MIS18BP1: variants seen among roughly 807,000 people sequenced by gnomAD.
The protein encoded by MIS18BP1 is MIS18 binding protein 1.
In MIS18BP1, 72 loss-of-function variants were observed where a neutral mutation model predicts 116.1. That is an observed-to-expected ratio of 0.62 (90% confidence interval 0.51 to 0.75). The LOEUF (loss-of-function observed/expected upper bound fraction) is 0.75. Among genes scored for constraint, MIS18BP1 ranks in the 30% least tolerant of loss-of-function variants. MIS18BP1 has a pLI of 0.00. For missense variants in MIS18BP1, 1,363 were observed against 1,303.2 expected (o/e 1.05, Z -0.71); for synonymous variants, 386 against 427.0 (o/e 0.90, Z 1.18).
intron 14 of MIS18BP1, 188 bp from the exon 15 acceptor site, chr14:45,206,358 C>G: frequency 2.0e-6 from 1 of 493,194 alleles, no homozygotes; most frequent in Non-Finnish European, 3.7e-6. Flanking sequence ...ATGATAATGG[C>G]TCACTGCAGC....
chr14:45,221,732 A>T (rs1455350519), intron 11 of MIS18BP1, among the ~76,000 whole-genome samples: 1 of 152,194 alleles, frequency 6.6e-6, no homozygotes, highest in Non-Finnish European at 1.5e-5. Context: ...ATTGGGTGGA[A>T]TGTTCTGTAA....
intron 9 of MIS18BP1, 46 bp from the exon 10 acceptor site, chr14:45,226,882 A>G: frequency 5.5e-6 from 7 of 1,267,212 alleles, no homozygotes; most frequent in Non-Finnish European, 7.2e-6. Context: ...AACTACTACC[A>G]AAACATGATC....
intron 11 of MIS18BP1, 48 bp downstream of exon 11, chr14:45,223,870 T>C (rs779508756): frequency 2.9e-6 from 4 of 1,370,660 alleles, no homozygotes; most frequent in Non-Finnish European, 4.0e-6. Flanking sequence ...TCTTTAACTG[T>C]CTTGTGGCTG....
chr14:45,250,584 G>A (rs898673731), intron 1 of MIS18BP1, among the ~76,000 whole-genome samples: 7 of 152,142 alleles, frequency 4.6e-5, no homozygotes, highest in Admixed American at 1.3e-4. Context: ...GAGAAAGTAT[G>A]TTTCCGTTTT....
chr14:45,206,351 A>G, intron 14 of MIS18BP1, 181 bp from the exon 15 acceptor site: 3 of 510,584 alleles, frequency 5.9e-6, no homozygotes, highest in African/African-American at 1.9e-5. Flanking sequence ...CAGTAACATG[A>G]TAATGGCTCA....
rs1250876919 is a variant in MIS18BP1, at chr14:45,217,153, G to A, written c.2869C>T (p.Gln957Ter). ...ACTTTGGCAGTTATCTTAATAGTTT[G>A]TTTCTGATCAGCATCACCTCTCTTG... is the stretch of plus-strand genomic sequence containing the variant. ...NGKRGDADQKQTIKITAKVGT... is the reference protein window; with the variant it reads ...NGKRGDADQK The change falls in exon 13 of 17, where the codon CAA becomes TAA. Residue 957 changes from glutamine to a stop codon, truncating the protein, a stop_gained. Transcript: ENST00000310806. LOFTEE classifies it high-confidence loss of function. The A allele has an allele frequency of 1.2e-6, 2 of 1,614,020 alleles. No individual in the cohort carries two copies. Among genetic ancestry groups the A allele is most frequent in the African/African-American group, 1.3e-5 (1 of 75,024 alleles).
Position 45,224,532 on chromosome 14 carries a change from C to T in MIS18BP1, c.2055G>A (p.Glu685=). 1 of 1,612,054 alleles carries T rather than the reference C, an allele frequency of 6.2e-7. No individual in the cohort carries two copies. Residue 685 remains glutamate (E), a synonymous_variant, in exon 11 of 17, where the codon GAG becomes GAA. Coordinates refer to ENST00000310806, the MANE Select transcript of MIS18BP1 (RefSeq NM_018353.5). ...IKAVTDFVIP[E]CQKKSPISKS... ...TGCTGATGGGACTTTTTTTTTGACA[C>T]TCTGGTATTACAAAATCTGTTACTG...
At chr14:45,227,884 AT>A in intron 8 of MIS18BP1, 70 bp from the exon 9 acceptor site, 2 of 1,506,978 alleles carry the variant, frequency 1.3e-6, no homozygotes, top group East Asian at 2.3e-5. Context: ...TACATGAAGA[AT>A]TAACTTTGAC....
intron 3 of MIS18BP1, 116 bp downstream of exon 3, chr14:45,242,645 C>A: frequency 6.9e-7 from 1 of 1,455,118 alleles, no homozygotes; most frequent in Non-Finnish European, 9.2e-7. Context: ...GTCTCTTTTA[C>A]GATTCAAGCT....
chr14:45,248,834 CGCAT>C (rs1458292128), intron 1 of MIS18BP1, among the ~76,000 whole-genome samples: 1 of 152,144 alleles, frequency 6.6e-6, no homozygotes, highest in African/African-American at 2.4e-5. Flanking sequence ...TACATATTAA[CGCAT>C]GCATGTATAT....
At chr14:45,226,219 T>C (rs1594512713) in intron 10 of MIS18BP1, among the ~76,000 whole-genome samples, 2 of 152,336 alleles carry the variant, frequency 1.3e-5, no homozygotes, top group Middle Eastern at 6.8e-3. Context: ...ACTGCTTTCC[T>C]ATCTTCTTCA....
chr14:45,224,726 C>T lies in MIS18BP1; in HGVS notation c.1861G>A (p.Val621Ile), dbSNP rs75790782. The change falls in exon 11 of 17, where the codon GTA becomes ATA. Residue 621 changes from valine to isoleucine, a missense_variant. Coordinates refer to ENST00000310806, the MANE Select transcript of MIS18BP1 (RefSeq NM_018353.5). Reference protein sequence around the residue: ...QKQETTEELDVSIDILTSREQ... With the variant: ...QKQETTEELDISIDILTSREQ... ...CTTGAGGTTAGAATATCAATGGATA[C>T]ATCCAATTCTTCAGTTGTCTCTTTA... 0.025 allele frequency: 39,963 copies of T among 1,576,386 alleles called. 632 individuals are homozygous for T. The highest frequency in any genetic ancestry group is 0.029 in the Non-Finnish European group (33,944 of 1,167,460).
At position 45,226,752 on chromosome 14, in the gene MIS18BP1, G is replaced by T; in HGVS notation, c.1831C>A (p.Gln611Lys). 2 of 1,392,574 alleles carry T rather than the reference G, an allele frequency of 1.4e-6. No homozygotes were observed. The highest frequency in any genetic ancestry group is 2.9e-5 in the South Asian group (2 of 69,154). 86.3% of individuals were successfully genotyped at this position (1,392,574 alleles called of 1,614,324 possible). The change falls in exon 10 of 17, where the codon CAG becomes AAG. Residue 611 changes from glutamine to lysine, a missense_variant. Transcript: ENST00000310806. ...ATTAAAGATATATTACCTTGCTTCT[G>T]ACTTTTTATTATCCTTTCATTTGTT... ...ERTNERIIKS[Q>K]KQETTEELDV... is the part of the protein sequence containing the mutation.
intron 15 of MIS18BP1, among the ~76,000 whole-genome samples, chr14:45,205,632 T>G (rs909483375): frequency 3.3e-5 from 5 of 152,044 alleles, no homozygotes; most frequent in African/African-American, 9.7e-5. Flanking sequence ...AAATAAAAAG[T>G]AAAAAAATAA....
At chr14:45,246,298 C>T (rs1891719827) in intron 2 of MIS18BP1, among the ~76,000 whole-genome samples, 1 of 152,204 alleles carries the variant, frequency 6.6e-6, no homozygotes, top group African/African-American at 2.4e-5. Context: ...TATCTACTCA[C>T]TCCATGACAC....
chr14:45,210,041 G>C (rs533189841), intron 14 of MIS18BP1: 5 of 168,692 alleles, frequency 3.0e-5, no homozygotes, highest in African/African-American at 1.2e-4. Context: ...TGGCTTGTAG[G>C]TTTTATAGTA....
rs1280120787 is a variant in MIS18BP1, at chr14:45,242,386, T to C, written c.791A>G (p.Lys264Arg). ...KESIVATTKS[K>R]KDTFVLESVD... Reference sequence around the variant, plus strand: ...GCTTTCTAAAACAAACGTGTCCTTTTTGGATTTAGTGGTTGCAACTATACT... The same window carrying C: ...GCTTTCTAAAACAAACGTGTCCTTTCTGGATTTAGTGGTTGCAACTATACT... Residue 264 changes from lysine to arginine, a missense_variant, in exon 4 of 17, where the codon AAA (lysine) becomes AGA (arginine). By Grantham distance (26) the Lys-to-Arg change is conservative. Coordinates refer to ENST00000310806, the MANE Select transcript of MIS18BP1 (RefSeq NM_018353.5). 1 of 1,614,118 alleles carries C rather than the reference T, an allele frequency of 6.2e-7. No individual in the cohort carries two copies. Among genetic ancestry groups the C allele is most frequent in the Non-Finnish European group, 8.5e-7 (1 of 1,179,994 alleles).
chr14:45,214,949 C>A (rs1890775567), intron 13 of MIS18BP1, among the ~76,000 whole-genome samples: 1 of 152,176 alleles, frequency 6.6e-6, no homozygotes, highest in Non-Finnish European at 1.5e-5. Context: ...CGGGGTTTCA[C>A]CATGTTGGCC....
intron 1 of MIS18BP1, among the ~76,000 whole-genome samples, chr14:45,251,449 G>GT (rs1891872167): frequency 6.6e-6 from 1 of 152,078 alleles, no homozygotes; most frequent in Non-Finnish European, 1.5e-5. Flanking sequence ...GATCCTGAAT[G>GT]TAACTACTCC....
Sources: gnomAD v4.1 joint callset for allele counts (sites outside exome capture counted in the v4.1 genomes callset) on GRCh38, gnomAD v4.1.1 for gene constraint, MANE v1.5 for transcripts, NCBI Gene and HGNC (gene_info 2026-07-23, HGNC 2026-07-21) for gene names.